The following VSIG4 variants were observed in gnomAD, a reference collection of about 807,000 sequenced individuals.
The protein encoded by VSIG4 is V-set and immunoglobulin domain containing 4.
VSIG4 carries 34 observed loss-of-function variants against 23.4 expected under a neutral mutation model. The ratio of observed to expected loss-of-function variants is 1.45; its 90% CI spans 1.10 to 1.93. The LOEUF (loss-of-function observed/expected upper bound fraction) is 1.93. Among genes scored for constraint, VSIG4 ranks in the 30% most tolerant of loss-of-function variants. The pLI is 0.00. For missense variants in VSIG4, 433 were observed against 310.8 expected (o/e 1.39, Z -2.96); for synonymous variants, 169 against 120.3 (o/e 1.41, Z -2.65).
intron 7 of VSIG4, 123 bp downstream of exon 7, chrX:66,022,718 C>A (rs1267427924): frequency 2.6e-6 from 3 of 1,172,816 alleles, no homozygotes; most frequent in Non-Finnish European, 3.4e-6. Context: ...ATGTCCTGAC[C>A]CTGAAGGCCT....
intron 1 of VSIG4, 46 bp from the exon 2 acceptor site, chrX:66,033,876 C>G: frequency 9.5e-7 from 1 of 1,047,336 alleles, no homozygotes; most frequent in Non-Finnish European, 1.3e-6. Flanking sequence ...GATGGCATAC[C>G]TACTTGGCAA....
chrX:66,022,449 G>T lies in VSIG4; in HGVS notation c.1014C>A (p.Ile338=). 8.3e-7 allele frequency: 1 copy of T among 1,212,107 alleles called. No individual in the cohort carries two copies. Among genetic ancestry groups the T allele is most frequent in the Non-Finnish European group, 1.1e-6 (1 of 895,589 alleles). The change falls in exon 8 of 8, where the codon ATC becomes ATA. Residue 338 remains isoleucine, a synonymous_variant. Transcript: ENST00000374737. ...CATCACTGGAGCAGCCACTTGCGAAGATGGCCACCCTCATGGTTTCTCCAG... is the reference window on the plus strand; with the variant it reads ...CATCACTGGAGCAGCCACTTGCGAATATGGCCACCCTCATGGTTTCTCCAG... ...NDSGETMRVA[I]FASGCSSDEP...
intron 1 of VSIG4, among the ~76,000 whole-genome samples, chrX:66,037,478 T>G (rs1344494392): frequency 2.0e-5 from 1 of 49,492 alleles, no homozygotes; most frequent in African/African-American, 9.0e-5. Context: ...TATATAATAA[T>G]TATATAATAC....
intron 1 of VSIG4, 89 bp downstream of exon 1, chrX:66,039,855 A>G (rs2085663207): frequency 1.8e-6 from 2 of 1,093,224 alleles, no homozygotes; most frequent in East Asian, 6.2e-5. Context: ...CCCAGTAGGA[A>G]TAGGCTTTCC....
chrX:66,022,192 AAGAAGGCCATGC>A lies in VSIG4; in HGVS notation c.*59_*70del. 8.3e-7 allele frequency: 1 copy of A among 1,211,037 alleles called. No homozygotes were observed. Among genetic ancestry groups the A allele is most frequent in the South Asian group, 1.8e-5 (1 of 56,836 alleles). On this transcript the variant is annotated 3_prime_UTR_variant, in exon 8 of 8. Transcript: ENST00000374737. The stretch of plus-strand genomic sequence containing the variant: ...CTATCCAGGAAGAGAGGTAGCAGGG[AAGAAGGCCATGC>A]AGAAGGCAAGGACTGACTAGGCAAT...
intron 6 of VSIG4, 64 bp downstream of exon 6, chrX:66,024,961 G>T: frequency 2.4e-6 from 2 of 849,555 alleles, no homozygotes; most frequent in Non-Finnish European, 3.3e-6. Context: ...ACAGAATTTA[G>T]GCTCAAGTAT....
chrX:66,028,243 G>A (rs1180395611), intron 3 of VSIG4, 131 bp from the exon 4 acceptor site: 5 of 524,743 alleles, frequency 9.5e-6, no homozygotes, highest in African/African-American at 2.3e-5. Flanking sequence ...CTTCTGTCAT[G>A]ATGCTGGTAA....
At chrX:66,023,964 A>T (rs2085361580) in intron 6 of VSIG4, among the ~76,000 whole-genome samples, 1 of 112,391 alleles carries the variant, frequency 8.9e-6, no homozygotes, top group Non-Finnish European at 1.9e-5. Flanking sequence ...ATGTGCTATC[A>T]AGTTCAGCCT....
At position 66,022,998 on chromosome X, in the gene VSIG4, A is replaced by T. The variant is rs952667459; in HGVS notation, c.941-136T>A. On this transcript the variant is annotated intron_variant, in intron 6 of 7. Transcript: ENST00000374737. ...TTTTAATATGTCTTAGCTTTCCAAC[A>T]ACTGGGAGGTATTGGGGAGGTGAAT... 3 of 666,181 alleles carry T rather than the reference A, an allele frequency of 4.5e-6. No individual in the cohort carries two copies. The Admixed American group carries it at 9.5e-5, about 21-fold the overall frequency. 54.9% of individuals were successfully genotyped at this position (666,181 alleles called of 1,213,427 possible). A position where few individuals can be genotyped will look rare whatever the true frequency, so the allele number is the denominator to read the frequency against.
chrX:66,037,547 A>G (rs2085627403), intron 1 of VSIG4, among the ~76,000 whole-genome samples: 1 of 69,212 alleles, frequency 1.4e-5, no homozygotes, highest in Non-Finnish European at 2.4e-5. Flanking sequence ...AATATATTAT[A>G]TTATATTATA....
intron 1 of VSIG4, among the ~76,000 whole-genome samples, chrX:66,038,479 TCTCA>T (rs373374245): frequency 0.015 from 1,375 of 90,528 alleles, 26 homozygotes; most frequent in African/African-American, 0.084. Context: ...TCTCTCTCTC[TCTCA>T]CACACACACA....
intron 1 of VSIG4, among the ~76,000 whole-genome samples, chrX:66,037,512 T>G (rs1391474734): frequency 1.5e-5 from 1 of 67,328 alleles, no homozygotes; most frequent in Non-Finnish European, 2.5e-5. Context: ...TATTATATAA[T>G]AATAATATAA....
rs747770270 is a variant in VSIG4 at position 66,022,154 on chromosome X, C to T, written c.*109G>A. On this transcript the variant is annotated 3_prime_UTR_variant, in exon 8 of 8. Transcript: ENST00000374737. ...TCCCAGCGGCTCCAGTGTTGGTAGGCGGACACTTTGGGCTATCCAGGAAGA... is the reference window on the plus strand; with the variant it reads ...TCCCAGCGGCTCCAGTGTTGGTAGGTGGACACTTTGGGCTATCCAGGAAGA... The T allele has an allele frequency of 3.7e-5, 44 of 1,199,844 alleles. No individual in the cohort carries two copies. The highest frequency in any genetic ancestry group is 9.0e-5 in the Admixed American group (4 of 44,472).
At chrX:66,032,447 C>T (rs2085474341) in intron 3 of VSIG4, 21 bp downstream of exon 3, 1 of 1,198,786 alleles carries the variant, frequency 8.3e-7, no homozygotes, top group African/African-American at 1.8e-5. Flanking sequence ...AAGATGCTCA[C>T]CAGGAAAGAG....
Position 66,033,700 on chromosome X carries a change from T to C in VSIG4, c.186A>G (p.Ser62=). 8.3e-7 allele frequency: 1 copy of C among 1,211,029 alleles called. No individual in the cohort carries two copies. The highest frequency in any genetic ancestry group is 1.1e-6 in the Non-Finnish European group (1 of 894,958). ...VLVKWLVQRG[S]DPVTIFLRDS... ...CACGTAGAAAGATGGTGACAGGGTC[T>C]GAGCCACGTTGTACCAGCCACTTCA... Residue 62 remains serine (S), a synonymous_variant, in exon 2 of 8, where the codon TCA becomes TCG. Transcript: ENST00000374737.
chrX:66,022,828 G>T lies in VSIG4; in HGVS notation c.962+13C>A, dbSNP rs759389619. ...GGACGGGGTCAAAAATGGAAGAGGAGAGACTTTCTTACCTGGCTGCTTCGT... is the reference window on the plus strand; with the variant it reads ...GGACGGGGTCAAAAATGGAAGAGGATAGACTTTCTTACCTGGCTGCTTCGT... On this transcript the variant is annotated intron_variant, in intron 7 of 7. Transcript: ENST00000374737. 18 of 1,210,104 alleles carry T rather than the reference G, an allele frequency of 1.5e-5. No homozygotes were observed. Among genetic ancestry groups the T allele is most frequent in the Non-Finnish European group, 1.8e-5 (16 of 895,216 alleles).
chrX:66,034,081 C>T (rs764277883), intron 1 of VSIG4, among the ~76,000 whole-genome samples: 1 of 111,848 alleles, frequency 8.9e-6, no homozygotes, highest in South Asian at 3.7e-4. Flanking sequence ...TACTGTCTTG[C>T]TATGAAGGTG....
chrX:66,034,588 T>C (rs776146033), intron 1 of VSIG4, among the ~76,000 whole-genome samples: 1 of 111,885 alleles, frequency 8.9e-6, no homozygotes, highest in African/African-American at 3.2e-5. Flanking sequence ...TGGTTTCTCT[T>C]AGTTCTTAGC....
Position 66,027,510 on chromosome X carries a change from C to T in VSIG4, c.774G>A (p.Lys258=), listed in dbSNP as rs764060892. The change falls in exon 5 of 8, where the codon AAG becomes AAA. Residue 258 remains lysine (K), a synonymous_variant. Transcript: ENST00000374737. ...TGTCAGTGGTCCAGTCCCAGGACTG[C>T]TTCACTGTAGATGTTGCTATGAATA... ...TYPLKATSTV[K]QSWDWTTDMD... The T allele has an allele frequency of 8.4e-7, 1 of 1,197,156 alleles. No individual in the cohort carries two copies. The highest frequency in any genetic ancestry group is 1.8e-5 in the African/African-American group (1 of 57,094).
Sources: allele counts gnomAD v4.1 joint callset (sites outside exome capture counted in the v4.1 genomes callset), GRCh38; gene constraint gnomAD v4.1.1; transcripts MANE v1.5; gene names NCBI Gene and HGNC (gene_info 2026-07-23, HGNC 2026-07-21).